The following CSNK2A1 variants were observed in gnomAD, a reference collection of about 807,000 sequenced individuals.
The protein encoded by CSNK2A1 is casein kinase II subunit alpha.
In CSNK2A1, 10 loss-of-function variants were observed where a neutral mutation model predicts 62.9. That is an observed-to-expected ratio of 0.16 (90% CI 0.10 to 0.27). The LOEUF (loss-of-function observed/expected upper bound fraction) is 0.27. Ranked by LOEUF, CSNK2A1 falls within the 10% of genes least tolerant of loss-of-function variation. The pLI is 1.00. For synonymous variants in CSNK2A1, 124 were observed against 167.8 expected (o/e 0.74, Z 2.02); for missense variants, 160 against 492.0 (o/e 0.33, Z 6.38).
intron 2 of CSNK2A1, among the ~76,000 whole-genome samples, chr20:511,601 T>C (rs1479590475): frequency 6.6e-6 from 1 of 152,230 alleles, no homozygotes; most frequent in African/African-American, 2.4e-5. Context: ...TTGTTTTGTT[T>C]ATTTAATTTA....
rs11401840 is a variant in CSNK2A1, at chr20:523,858, C to CAAAAAAAAAA, written c.-110+4065_-110+4074dup. Among the ~76,000 whole-genome samples the CAAAAAAAAAA allele has an allele frequency of 1.5e-3, 68 of 45,534 alleles. 1 individual carries two copies. The highest frequency in any genetic ancestry group is 1.5e-3 in the South Asian group (2 of 1,342). The allele number at this position is 45,534 out of a possible 152,430, so 29.9% of individuals were successfully genotyped here. A position where few individuals can be genotyped will look rare whatever the true frequency, so the allele number is the denominator to read the frequency against. Reference sequence around the variant, plus strand: ...TGGGCGACAGAGCAAGACTCCATCTCAAAAAAAAAAAAAAAAAAAAAAACT... The same window carrying CAAAAAAAAAA: ...TGGGCGACAGAGCAAGACTCCATCTCAAAAAAAAAAAAAAAAAAAAAAAAAAAAAAAAACT... On this transcript the variant is annotated intron_variant, in intron 2 of 13. Coordinates refer to ENST00000217244, the MANE Select transcript of CSNK2A1 (RefSeq NM_177559.3).
intron 1 of CSNK2A1, among the ~76,000 whole-genome samples, chr20:536,839 G>A (rs1265435257): frequency 3.9e-5 from 6 of 152,102 alleles, no homozygotes; most frequent in Admixed American, 6.6e-5. Flanking sequence ...TTAGCACAAC[G>A]CCTGCCAGAA....
chr20:485,084 AAAAAAAAAAAAAAAAAAAAAAAAAAAT>A (rs2018046309), intron 13 of CSNK2A1, among the ~76,000 whole-genome samples: 2 of 38,152 alleles, frequency 5.2e-5, no homozygotes, highest in Admixed American at 4.2e-4. Context: ...AAAAAAAAAA[AAAAAAAAAAAAAAAAAAAAAAAAAAAT>A]ATATATATAT....
intron 2 of CSNK2A1, among the ~76,000 whole-genome samples, chr20:522,207 G>A (rs1410803464): frequency 6.6e-6 from 1 of 152,200 alleles, no homozygotes; most frequent in African/African-American, 2.4e-5. Flanking sequence ...TGGAAAGAGA[G>A]CCTAAATTTC....
chr20:513,615 G>C (rs1410820329), intron 2 of CSNK2A1, among the ~76,000 whole-genome samples: 4 of 152,120 alleles, frequency 2.6e-5, no homozygotes, highest in Non-Finnish European at 5.9e-5. Flanking sequence ...CTGACATATG[G>C]AGAATAGCCA....
chr20:520,984 A>G (rs2018933713), intron 2 of CSNK2A1, among the ~76,000 whole-genome samples: 1 of 151,406 alleles, frequency 6.6e-6, no homozygotes, highest in Non-Finnish European at 1.5e-5. Context: ...CTGGGGGGGA[A>G]AAAAAAAGAT....
chr20:494,657 T>C (rs2018308165), intron 8 of CSNK2A1: 1 of 152,240 alleles, frequency 6.6e-6, no homozygotes, highest in Non-Finnish European at 1.5e-5. Context: ...GCTTAGAATA[T>C]GCAAAAGCTC....
intron 2 of CSNK2A1, among the ~76,000 whole-genome samples, chr20:513,702 G>A (rs556570743): frequency 3.3e-4 from 50 of 152,272 alleles, no homozygotes; most frequent in African/African-American, 1.2e-3. Context: ...TCCTCTGTGA[G>A]GAGTGGGAAA....
intron 2 of CSNK2A1, among the ~76,000 whole-genome samples, chr20:522,244 G>A (rs2018967198): frequency 6.6e-6 from 1 of 152,214 alleles, no homozygotes; most frequent in Non-Finnish European, 1.5e-5. Context: ...TTCATTACAA[G>A]GGTATTCCTA....
At chr20:518,905 GA>G (rs1163474484) in intron 2 of CSNK2A1, among the ~76,000 whole-genome samples, 8 of 148,412 alleles carry the variant, frequency 5.4e-5, no homozygotes, top group Non-Finnish European at 1.0e-4. Context: ...AAAACAAGAG[GA>G]AAAATATAGT....
chr20:493,721 TCTC>T (rs1439050587), intron 8 of CSNK2A1, among the ~76,000 whole-genome samples: 13 of 152,164 alleles, frequency 8.5e-5, no homozygotes, highest in Non-Finnish European at 1.3e-4. Flanking sequence ...GTTGATATAA[TCTC>T]CTCAACAAGA....
chr20:508,251 T>G, intron 3 of CSNK2A1, 200 bp downstream of exon 3: 1 of 533,546 alleles, frequency 1.9e-6, no homozygotes, highest in Non-Finnish European at 3.3e-6. Flanking sequence ...GGTAAGCCCA[T>G]TAAAATTGTT....
intron 1 of CSNK2A1, chr20:541,226 C>G (rs1296731288): frequency 2.0e-5 from 3 of 152,116 alleles, no homozygotes; most frequent in Non-Finnish European, 4.4e-5. Flanking sequence ...TTCGGCCCAC[C>G]CAGAAAATCC....
At chr20:495,580 T>C in intron 8 of CSNK2A1, 139 bp downstream of exon 8, 1 of 637,078 alleles carries the variant, frequency 1.6e-6, no homozygotes, top group Non-Finnish European at 2.8e-6. Flanking sequence ...GACTTGTAAA[T>C]TCGTACATTC....
In CSNK2A1 at chr20:527,982, T is replaced by C. The variant is rs2019133006; in HGVS notation, c.-159A>G. On this transcript the variant is annotated 5_prime_UTR_variant, in exon 2 of 14. Coordinates refer to ENST00000217244, the MANE Select transcript of CSNK2A1 (RefSeq NM_177559.3). ...ATGGGTGAATGATGTTTCTTGGAGA[T>C]TTTATGAGGTTCCACGCTGCATGAT... 6.6e-6 allele frequency: 1 copy of C among 152,190 alleles called. No homozygotes were observed. Among genetic ancestry groups the C allele is most frequent in the Admixed American group, 6.5e-5 (1 of 15,278 alleles). 9.4% of individuals were successfully genotyped at this position (152,190 alleles called of 1,614,324 possible).
intron 4 of CSNK2A1, chr20:501,816 A>AT (rs2018478066): frequency 6.6e-6 from 1 of 152,168 alleles, no homozygotes; most frequent in Non-Finnish European, 1.5e-5. Flanking sequence ...AATCACCTGG[A>AT]TTTTTTTAAT....
In CSNK2A1 at chr20:492,241, C is replaced by G. The variant is rs2018251350; in HGVS notation, c.621+13G>C. The G allele has an allele frequency of 3.7e-6, 6 of 1,607,628 alleles. No homozygotes were observed. The highest frequency in any genetic ancestry group is 5.1e-6 in the Non-Finnish European group (6 of 1,174,658). ...ACACAGGATCAAAACTGTGCCTGCC[C>G]TTCTGTTCTTACCTGATAGTCTACA... On this transcript the variant is annotated intron_variant, in intron 9 of 13. Transcript: ENST00000217244.
chr20:520,662 G>C (rs1374931795), intron 2 of CSNK2A1, among the ~76,000 whole-genome samples: 3 of 152,112 alleles, frequency 2.0e-5, no homozygotes, highest in Non-Finnish European at 4.4e-5. Flanking sequence ...ACTATGCCCT[G>C]CTAATTTTTG....
At chr20:505,495 G>A (rs2018559488) in intron 3 of CSNK2A1, among the ~76,000 whole-genome samples, 1 of 151,280 alleles carries the variant, frequency 6.6e-6, no homozygotes, top group South Asian at 2.1e-4. Context: ...GAGCAGCTGG[G>A]ACCACAGGCG....
Sources: gnomAD v4.1 joint callset for allele counts (sites outside exome capture counted in the v4.1 genomes callset) on GRCh38, gnomAD v4.1.1 for gene constraint, MANE v1.5 for transcripts, NCBI Gene and HGNC (gene_info 2026-07-23, HGNC 2026-07-21) for gene names.